Variants in FRMD4A observed in about 807,000 individuals in gnomAD.
FRMD4A encodes FERM domain-containing protein 4A.
Under a neutral mutation model 129.1 loss-of-function variants are expected in FRMD4A, and 29 were observed. That is an observed-to-expected ratio of 0.22 (90% confidence interval 0.17 to 0.31). FRMD4A has a LOEUF of 0.31. Ranked by LOEUF, FRMD4A falls within the 10% of genes least tolerant of loss-of-function variation. The pLI is 1.00. For missense variants in FRMD4A, 1,272 were observed against 1,375.8 expected, an observed-to-expected ratio of 0.92 and a Z score of 1.19; for synonymous variants, 634 against 571.6, an observed-to-expected ratio of 1.11 and a Z score of -1.56.
chr10:14,091,871 G>C (rs1836680999), intron 2 of FRMD4A, among the ~76,000 whole-genome samples: 1 of 152,150 alleles, frequency 6.6e-6, no homozygotes, highest in African/African-American at 2.4e-5. Context: ...TCTCCAACTG[G>C]AATCACCCAT....
chr10:13,740,514 T>G lies in FRMD4A; in HGVS notation c.612A>C (p.Val204=), dbSNP rs1260888227. Residue 204 remains valine (V), a splice_region_variant and synonymous_variant, in exon 10 of 25, where the codon GTA becomes GTC. Transcript: ENST00000357447. ...LNGQTRGQAI[V]NYMSIVESLP... ...TGAGCTGGGAAGGGGCCACTTACTT[T>G]ACGATTGCTTGACCTCTTGTCTGAC... The G allele has an allele frequency of 6.4e-7, 1 of 1,565,092 alleles. No individual in the cohort carries two copies. Among genetic ancestry groups the G allele is most frequent in the Admixed American group, 1.7e-5 (1 of 58,994 alleles).
intron 2 of FRMD4A, among the ~76,000 whole-genome samples, chr10:14,116,130 G>C (rs138110074): frequency 6.6e-6 from 1 of 152,106 alleles, no homozygotes; most frequent in Non-Finnish European, 1.5e-5. Flanking sequence ...TTTTCTCCTC[G>C]GGCTATTGCA....
intron 2 of FRMD4A, among the ~76,000 whole-genome samples, chr10:14,073,371 G>T (rs1447484582): frequency 6.6e-6 from 1 of 152,188 alleles, no homozygotes; most frequent in East Asian, 1.9e-4. Context: ...TCTAGGTCAT[G>T]AAGAATTAGA....
At position 13,681,763 on chromosome 10, in the gene FRMD4A, G is replaced by A. The variant is rs138117208; in HGVS notation, c.1118-6719C>T. 8.5e-5 allele frequency among the ~76,000 whole-genome samples: 13 copies of A among 152,248 alleles called. No individual in the cohort carries two copies. The East Asian group carries it at 2.5e-3, about 29-fold the overall frequency. ...GCCGTTTACCAGCTGTGGGGACTTG[G>A]GAAGGTTGTGTAACCTCTCGAAGTC... On this transcript the variant is annotated intron_variant, in intron 15 of 24. Coordinates refer to ENST00000357447, the MANE Select transcript of FRMD4A (RefSeq NM_018027.5).
chr10:13,831,481 G>T (rs1399980290), intron 3 of FRMD4A, among the ~76,000 whole-genome samples: 14 of 152,190 alleles, frequency 9.2e-5, no homozygotes. Context: ...TAAGATTGCT[G>T]TTAGGAAACA....
chr10:13,704,609 C>T (rs1488389420), intron 13 of FRMD4A, among the ~76,000 whole-genome samples: 1 of 152,208 alleles, frequency 6.6e-6, no homozygotes, highest in East Asian at 1.9e-4. Flanking sequence ...TGACCCTGTC[C>T]TTCACCCTTC....
chr10:13,861,889 A>G (rs547466670), intron 2 of FRMD4A, among the ~76,000 whole-genome samples: 6 of 152,334 alleles, frequency 3.9e-5, no homozygotes, highest in African/African-American at 1.4e-4. Flanking sequence ...GCTTTACCAA[A>G]ATGTATAAAT....
intron 2 of FRMD4A, among the ~76,000 whole-genome samples, chr10:13,947,281 A>G (rs759022029): frequency 2.0e-5 from 3 of 152,178 alleles, no homozygotes; most frequent in African/African-American, 2.4e-5. Context: ...CTCTATATAC[A>G]CTTAATCTTC....
intron 2 of FRMD4A, among the ~76,000 whole-genome samples, chr10:13,992,823 C>T (rs1409183599): frequency 4.0e-5 from 6 of 151,782 alleles, no homozygotes; most frequent in Admixed American, 2.6e-4. Context: ...CATGGTGGCG[C>T]ATGCCTGTAA....
intron 2 of FRMD4A, among the ~76,000 whole-genome samples, chr10:14,016,331 C>T (rs2095699011): frequency 6.6e-6 from 1 of 152,222 alleles, no homozygotes; most frequent in South Asian, 2.1e-4. Context: ...CTGCTGAACA[C>T]CTACCCAACA....
At chr10:13,848,609 CGT>C (rs59271113) in intron 3 of FRMD4A, among the ~76,000 whole-genome samples, 3,952 of 123,672 alleles carry the variant, frequency 0.032, 57 homozygotes, top group East Asian at 0.057. Flanking sequence ...TGTGTGTGTA[CGT>C]GTGTGTGTGT....
rs528305396 is a variant in FRMD4A at position 14,152,905 on chromosome 10, T to C, written c.45+177153A>G. 1.9e-4 allele frequency among the ~76,000 whole-genome samples: 29 copies of C among 152,074 alleles called. 1 individual carries two copies. The East Asian group carries it at 5.0e-3, about 26-fold the overall frequency. ...GCTGGGAAGAGGGGGAACCCAGGCA[T>C]CCTAGAGCAGTAGAAATCTTTACCT... is the stretch of plus-strand genomic sequence containing the variant. On this transcript the variant is annotated intron_variant, in intron 2 of 24. Coordinates refer to ENST00000357447, the MANE Select transcript of FRMD4A (RefSeq NM_018027.5).
chr10:13,972,996 C>T (rs1161365180), intron 2 of FRMD4A, among the ~76,000 whole-genome samples: 1 of 152,186 alleles, frequency 6.6e-6, no homozygotes, highest in Non-Finnish European at 1.5e-5. Flanking sequence ...TCTACTGGAG[C>T]GTCCTGGAGT....
At chr10:14,306,657 C>T (rs1170206360) in intron 2 of FRMD4A, among the ~76,000 whole-genome samples, 1 of 152,180 alleles carries the variant, frequency 6.6e-6, no homozygotes, top group Non-Finnish European at 1.5e-5. Flanking sequence ...TTGTTTGATC[C>T]TATGCCCCTG....
chr10:14,280,385 A>G (rs1457570553), intron 2 of FRMD4A, among the ~76,000 whole-genome samples: 1 of 151,710 alleles, frequency 6.6e-6, no homozygotes, highest in East Asian at 1.9e-4. Context: ...AGCTCAAGAG[A>G]TCCTCCTGCT....
chr10:13,777,987 G>A (rs2092639227), intron 6 of FRMD4A, among the ~76,000 whole-genome samples: 2 of 151,752 alleles, frequency 1.3e-5, no homozygotes, highest in African/African-American at 4.8e-5. Flanking sequence ...ATTTTTAGTA[G>A]AGATGGCATC....
At chr10:13,949,117 A>G (rs1786538417) in intron 2 of FRMD4A, among the ~76,000 whole-genome samples, 1 of 152,108 alleles carries the variant, frequency 6.6e-6, no homozygotes, top group Non-Finnish European at 1.5e-5. Flanking sequence ...AATAAATACA[A>G]TTCAACACAT....
At chr10:14,178,937 C>T (rs1361863619) in intron 2 of FRMD4A, among the ~76,000 whole-genome samples, 2 of 152,170 alleles carry the variant, frequency 1.3e-5, no homozygotes, top group East Asian at 3.8e-4. Flanking sequence ...AAACTCCCCA[C>T]ACCAAGGAAC....
chr10:14,187,090 G>T (rs756441489), intron 2 of FRMD4A, among the ~76,000 whole-genome samples: 1 of 139,230 alleles, frequency 7.2e-6, no homozygotes, highest in African/African-American at 2.6e-5. Context: ...TTGTACTCTC[G>T]TTTGGGTGAC....
Sources: gnomAD v4.1 joint callset for allele counts (sites outside exome capture counted in the v4.1 genomes callset) on GRCh38, gnomAD v4.1.1 for gene constraint, MANE v1.5 for transcripts, NCBI Gene and HGNC (gene_info 2026-07-23, HGNC 2026-07-21) for gene names.